Variants in FSTL5 observed in about 807,000 individuals in gnomAD.
The protein encoded by FSTL5 is follistatin like 5.
FSTL5 carries 62 observed loss-of-function variants against 89.1 expected under a neutral mutation model. That is an observed-to-expected ratio of 0.70 (90% CI 0.57 to 0.86). The LOEUF (loss-of-function observed/expected upper bound fraction) is 0.86. Among genes scored for constraint, FSTL5 ranks in the 40% least tolerant of loss-of-function variants. FSTL5 has a pLI of 0.00. For missense variants in FSTL5, 1,057 were observed against 1,001.6 expected (o/e 1.06, Z -0.75); for synonymous variants, 383 against 346.2 (o/e 1.11, Z -1.18).
At chr4:161,640,246 T>A (rs566429595) in intron 7 of FSTL5, among the ~76,000 whole-genome samples, 1 of 152,276 alleles carries the variant, frequency 6.6e-6, no homozygotes, top group Admixed American at 6.5e-5. Flanking sequence ...AACTGTCTAG[T>A]TTTCTTTAAA....
At chr4:161,692,886 G>A (rs1009483193) in intron 6 of FSTL5, among the ~76,000 whole-genome samples, 1 of 151,944 alleles carries the variant, frequency 6.6e-6, no homozygotes, top group African/African-American at 2.4e-5. Context: ...ACCACACCTG[G>A]CTAATTTTTG....
At chr4:161,414,975 C>T (rs1256755129) in intron 15 of FSTL5, among the ~76,000 whole-genome samples, 1 of 152,092 alleles carries the variant, frequency 6.6e-6, no homozygotes, top group African/African-American at 2.4e-5. Flanking sequence ...TGACTCCTTT[C>T]TACTAATGCA....
chr4:161,511,177 TAA>T (rs1284001534), intron 10 of FSTL5, among the ~76,000 whole-genome samples: 1 of 152,106 alleles, frequency 6.6e-6, no homozygotes, highest in Non-Finnish European at 1.5e-5. Context: ...AGCAAAATCA[TAA>T]AAGTGTAACT....
At chr4:161,588,204 TA>T (rs1001199535) in intron 7 of FSTL5, among the ~76,000 whole-genome samples, 6 of 151,876 alleles carry the variant, frequency 4.0e-5, no homozygotes, top group Admixed American at 2.0e-4. Flanking sequence ...AATTAAAAAA[TA>T]AAAAAAGATT....
chr4:161,759,401 T>C lies in FSTL5; in HGVS notation c.727+10A>G. 1.9e-6 allele frequency: 3 copies of C among 1,577,164 alleles called. No homozygotes were observed. The highest frequency in any genetic ancestry group is 2.6e-6 in the Non-Finnish European group (3 of 1,165,492). Reference sequence around the variant, plus strand: ...ACAAAGGGAAATTGGAGAATGAATCTTGTACTCACGGAATGCTCTATAAAA... The same window carrying C: ...ACAAAGGGAAATTGGAGAATGAATCCTGTACTCACGGAATGCTCTATAAAA... On this transcript the variant is annotated intron_variant, in intron 6 of 15. Transcript: ENST00000306100.
intron 3 of FSTL5, 142 bp from the exon 4 acceptor site, chr4:161,920,794 T>C: frequency 4.2e-6 from 3 of 716,264 alleles, no homozygotes; most frequent in Non-Finnish European, 6.7e-6. Context: ...GTGGTGGACA[T>C]GCTTATATAA....
At chr4:161,667,737 A>T (rs1579007044) in intron 6 of FSTL5, among the ~76,000 whole-genome samples, 1 of 152,016 alleles carries the variant, frequency 6.6e-6, no homozygotes, top group East Asian at 1.9e-4. Flanking sequence ...CTGTTTATTT[A>T]TCTCATGTGA....
chr4:161,498,087 C>T lies in FSTL5; in HGVS notation c.1458+1929G>A, dbSNP rs180802904. On this transcript the variant is annotated intron_variant, in intron 12 of 15. Coordinates refer to ENST00000306100, the MANE Select transcript of FSTL5 (RefSeq NM_020116.5). ...CTATGTCTCTATGTATGTATATATACATATACATATATATGTATACATAGA... is the reference window on the plus strand; with the variant it reads ...CTATGTCTCTATGTATGTATATATATATATACATATATATGTATACATAGA... Among the ~76,000 whole-genome samples the T allele has an allele frequency of 8.8e-4, 129 of 146,282 alleles. 1 individual carries two copies. The highest frequency in any genetic ancestry group is 6.9e-3 in the Middle Eastern group (2 of 288).
At chr4:162,140,160 A>C (rs1311249009) in intron 1 of FSTL5, among the ~76,000 whole-genome samples, 2 of 152,154 alleles carry the variant, frequency 1.3e-5, no homozygotes, top group African/African-American at 4.8e-5. Context: ...GGAAGCAACC[A>C]AAATACATAC....
chr4:161,816,710 A>T (rs1419568711), intron 4 of FSTL5, among the ~76,000 whole-genome samples: 1 of 152,164 alleles, frequency 6.6e-6, no homozygotes, highest in Non-Finnish European at 1.5e-5. Context: ...AACAAAGTGA[A>T]AATGAATCAT....
intron 3 of FSTL5, among the ~76,000 whole-genome samples, chr4:161,932,910 C>A (rs1194586723): frequency 6.6e-6 from 1 of 151,992 alleles, no homozygotes; most frequent in Non-Finnish European, 1.5e-5. Flanking sequence ...CCATCACTAG[C>A]TTTTGGTCAC....
intron 6 of FSTL5, among the ~76,000 whole-genome samples, chr4:161,686,946 G>A (rs1737767141): frequency 6.6e-6 from 1 of 151,928 alleles, no homozygotes; most frequent in Admixed American, 6.6e-5. Context: ...TAACAAACTG[G>A]ACAATGATCC....
At chr4:162,131,279 T>C (rs1732290683) in intron 1 of FSTL5, among the ~76,000 whole-genome samples, 1 of 152,252 alleles carries the variant, frequency 6.6e-6, no homozygotes, top group Non-Finnish European at 1.5e-5. Context: ...TTGGAGGATA[T>C]CTTTTCACTT....
At chr4:161,483,431 T>G (rs1201852254) in intron 12 of FSTL5, among the ~76,000 whole-genome samples, 1 of 152,176 alleles carries the variant, frequency 6.6e-6, no homozygotes, top group African/African-American at 2.4e-5. Flanking sequence ...CACGAAAGAT[T>G]TCCACCCCTT....
intron 3 of FSTL5, among the ~76,000 whole-genome samples, chr4:162,019,459 T>A (rs1406084832): frequency 6.6e-6 from 1 of 152,070 alleles, no homozygotes; most frequent in East Asian, 1.9e-4. Flanking sequence ...ATATATTTCC[T>A]ATTATTTATA....
At chr4:162,148,033 G>A (rs1184549703) in intron 1 of FSTL5, among the ~76,000 whole-genome samples, 2 of 152,012 alleles carry the variant, frequency 1.3e-5, no homozygotes, top group South Asian at 2.1e-4. Flanking sequence ...TTTGAAATAC[G>A]AAGATTACTC....
chr4:161,434,803 A>G (rs1732496411), intron 15 of FSTL5, among the ~76,000 whole-genome samples: 1 of 152,144 alleles, frequency 6.6e-6, no homozygotes, highest in South Asian at 2.1e-4. Context: ...AGACATACAA[A>G]TGGCAAACAG....
intron 4 of FSTL5, among the ~76,000 whole-genome samples, chr4:161,881,041 TA>T (rs1311896626): frequency 3.3e-5 from 5 of 151,914 alleles, no homozygotes; most frequent in Admixed American, 2.6e-4. Context: ...TTACTGTATA[TA>T]AATGTAAAAA....
At chr4:161,690,872 A>G (rs928507837) in intron 6 of FSTL5, among the ~76,000 whole-genome samples, 2 of 152,004 alleles carry the variant, frequency 1.3e-5, no homozygotes, top group African/African-American at 2.4e-5. Flanking sequence ...TCTAATTATT[A>G]TCTCCCACTG....
Sources: gnomAD v4.1 joint callset for allele counts (sites outside exome capture counted in the v4.1 genomes callset) on GRCh38, gnomAD v4.1.1 for gene constraint, MANE v1.5 for transcripts, NCBI Gene and HGNC (gene_info 2026-07-23, HGNC 2026-07-21) for gene names.